The following HECW2 variants were observed in gnomAD, a reference collection of about 807,000 sequenced individuals.
The protein encoded by HECW2 is E3 ubiquitin-protein ligase HECW2.
Under a neutral mutation model 175.2 loss-of-function variants are expected in HECW2, and 61 were observed. That is an observed-to-expected ratio of 0.35 (90% CI 0.28 to 0.43). The LOEUF (loss-of-function observed/expected upper bound fraction) is 0.43, where lower values mean the gene tolerates loss of function less well. HECW2 is among the 20% of genes least tolerant of loss of function. The probability of loss-of-function intolerance (pLI) is 1.00; values close to 1 mark genes in which losing one functional copy is unlikely to be tolerated. For missense variants in HECW2, 1,524 were observed against 2,000.5 expected, an observed-to-expected ratio of 0.76 and a Z score of 4.54; for synonymous variants, 671 against 731.0, an observed-to-expected ratio of 0.92 and a Z score of 1.32.
At chr2:196,517,536 T>C (rs958222755) in intron 1 of HECW2, among the ~76,000 whole-genome samples, 3 of 152,242 alleles carry the variant, frequency 2.0e-5, no homozygotes, top group African/African-American at 7.2e-5. Context: ...TAATCTCCCA[T>C]TTTAACAAAG....
At chr2:196,428,796 A>G (rs1020401417) in intron 2 of HECW2, among the ~76,000 whole-genome samples, 3 of 152,328 alleles carry the variant, frequency 2.0e-5, no homozygotes, top group Admixed American at 2.0e-4. Flanking sequence ...TCTTGCCTTT[A>G]AAAGCAGTTG....
chr2:196,258,546 G>A (rs1689158977), intron 17 of HECW2, among the ~76,000 whole-genome samples: 2 of 152,076 alleles, frequency 1.3e-5, no homozygotes, highest in African/African-American at 4.8e-5. Flanking sequence ...TCAAACACAA[G>A]GTGAGTTATT....
At chr2:196,448,794 A>G (rs771072381) in intron 1 of HECW2, among the ~76,000 whole-genome samples, 28 of 152,202 alleles carry the variant, frequency 1.8e-4, no homozygotes, top group Non-Finnish European at 3.8e-4. Flanking sequence ...ATGGACCCTG[A>G]CAACTCGTTG....
chr2:196,229,344 T>C (rs906181214), intron 21 of HECW2, among the ~76,000 whole-genome samples: 1 of 152,054 alleles, frequency 6.6e-6, no homozygotes, highest in Non-Finnish European at 1.5e-5. Context: ...TGTTCAGTGA[T>C]AGGATTGTGT....
intron 18 of HECW2, among the ~76,000 whole-genome samples, chr2:196,256,195 A>C (rs1170177367): frequency 6.6e-6 from 1 of 152,214 alleles, no homozygotes; most frequent in Non-Finnish European, 1.5e-5. Flanking sequence ...TTATTAAAAT[A>C]ATAAACACAT....
At chr2:196,439,350 A>G (rs1475809939) in intron 1 of HECW2, among the ~76,000 whole-genome samples, 2 of 152,168 alleles carry the variant, frequency 1.3e-5, no homozygotes, top group Non-Finnish European at 2.9e-5. Flanking sequence ...TTACATATTA[A>G]AAACCACTAG....
intron 1 of HECW2, among the ~76,000 whole-genome samples, chr2:196,470,285 C>A (rs1368327546): frequency 6.6e-6 from 1 of 151,396 alleles, no homozygotes; most frequent in Non-Finnish European, 1.5e-5. Context: ...TGGAGCAAGA[C>A]CTTGTCTCCA....
chr2:196,295,798 T>C (rs540466921), intron 13 of HECW2, among the ~76,000 whole-genome samples: 1 of 152,348 alleles, frequency 6.6e-6, no homozygotes, highest in African/African-American at 2.4e-5. Flanking sequence ...AATAGCTCTT[T>C]AAGCACAGAA....
At chr2:196,578,696 G>A (rs1690651929) in intron 1 of HECW2, among the ~76,000 whole-genome samples, 1 of 152,176 alleles carries the variant, frequency 6.6e-6, no homozygotes, top group Non-Finnish European at 1.5e-5. Context: ...AAAGGCAGCA[G>A]TATAACAATT....
intron 5 of HECW2, among the ~76,000 whole-genome samples, chr2:196,329,134 A>T (rs1692262304): frequency 6.6e-6 from 1 of 152,180 alleles, no homozygotes; most frequent in South Asian, 2.1e-4. Context: ...TACTAATCAG[A>T]AAACAAGCCA....
chr2:196,270,220 G>C (rs1689675644), intron 17 of HECW2, among the ~76,000 whole-genome samples: 1 of 152,106 alleles, frequency 6.6e-6, no homozygotes, highest in African/African-American at 2.4e-5. Context: ...AGAAATACTA[G>C]CCTAGATCAT....
intron 15 of HECW2, among the ~76,000 whole-genome samples, chr2:196,278,051 A>T (rs1342805520): frequency 2.1e-5 from 3 of 144,418 alleles, no homozygotes. Flanking sequence ...TGGGTGCAGC[A>T]CACCAACATG....
At chr2:196,440,050 T>C (rs1040277164) in intron 1 of HECW2, among the ~76,000 whole-genome samples, 5 of 152,108 alleles carry the variant, frequency 3.3e-5, no homozygotes, top group Admixed American at 6.5e-5. Flanking sequence ...CCCAGAAACA[T>C]TGACAGGGCT....
intron 1 of HECW2, among the ~76,000 whole-genome samples, chr2:196,527,937 T>C (rs1037612041): frequency 1.3e-5 from 2 of 152,258 alleles, no homozygotes; most frequent in East Asian, 3.8e-4. Context: ...TTCTGATTAT[T>C]TCCACATTTT....
chr2:196,460,229 A>C (rs979577640), intron 1 of HECW2, among the ~76,000 whole-genome samples: 8 of 152,246 alleles, frequency 5.3e-5, no homozygotes, highest in Non-Finnish European at 1.0e-4. Context: ...AGCCACTAAC[A>C]GTTTATGGGG....
intron 2 of HECW2, among the ~76,000 whole-genome samples, chr2:196,344,424 A>C (rs540615900): frequency 1.3e-5 from 2 of 151,682 alleles, no homozygotes; most frequent in East Asian, 3.9e-4. Context: ...AGCATTTTCC[A>C]AGCTTTCTGA....
chr2:196,383,590 C>G (rs919303481), intron 2 of HECW2, among the ~76,000 whole-genome samples: 1 of 152,178 alleles, frequency 6.6e-6, no homozygotes, highest in Non-Finnish European at 1.5e-5. Flanking sequence ...AAGAAGGGAA[C>G]AGTGACATCA....
intron 2 of HECW2, among the ~76,000 whole-genome samples, chr2:196,401,185 T>C (rs1694807925): frequency 6.6e-6 from 1 of 152,232 alleles, no homozygotes; most frequent in African/African-American, 2.4e-5. Context: ...TGCAGCACTA[T>C]TTGTAATATC....
intron 7 of HECW2, among the ~76,000 whole-genome samples, chr2:196,321,079 G>A (rs550688805): frequency 8.5e-5 from 13 of 152,360 alleles, no homozygotes; most frequent in African/African-American, 3.1e-4. Context: ...AGAGTAAGGA[G>A]GCTGGAGCTG....
Sources: gnomAD v4.1 joint callset for allele counts (sites outside exome capture counted in the v4.1 genomes callset) on GRCh38, gnomAD v4.1.1 for gene constraint, MANE v1.5 for transcripts, NCBI Gene and HGNC (gene_info 2026-07-23, HGNC 2026-07-21) for gene names.